Variants in SCMH1 observed in about 807,000 individuals in gnomAD.
SCMH1 encodes the protein polycomb protein SCMH1.
Under a neutral mutation model 70.8 loss-of-function variants are expected in SCMH1, and 37 were observed. The observed-to-expected ratio is 0.52, with a 90% CI of 0.40 to 0.69. The LOEUF (loss-of-function observed/expected upper bound fraction) is 0.69, where lower values mean the gene tolerates loss of function less well. Ranked by LOEUF, SCMH1 falls within the 30% of genes least tolerant of loss-of-function variation. The pLI, the probability that SCMH1 is intolerant of heterozygous loss-of-function variation, is 0.00. For missense variants in SCMH1, 607 were observed against 827.3 expected (o/e 0.73, Z 3.27); for synonymous variants, 292 against 307.4 (o/e 0.95, Z 0.52).
At chr1:41,198,818 A>C (rs1653632178) in intron 1 of SCMH1, among the ~76,000 whole-genome samples, 1 of 152,216 alleles carries the variant, frequency 6.6e-6, no homozygotes, top group South Asian at 2.1e-4. Flanking sequence ...TACACAAATC[A>C]GGGAAATCTT....
intron 10 of SCMH1, among the ~76,000 whole-genome samples, chr1:41,067,686 T>C (rs141791942): frequency 1.3e-5 from 2 of 152,242 alleles, no homozygotes; most frequent in African/African-American, 2.4e-5. Flanking sequence ...AGAGGGTTTT[T>C]AGGGCAGTGA....
chr1:41,159,848 C>A, intron 4 of SCMH1: 2 of 1,336,390 alleles, frequency 1.5e-6, no homozygotes, highest in South Asian at 2.3e-5. Flanking sequence ...GAATGAAAAT[C>A]ATAATAATCC....
At chr1:41,116,178 T>C (rs1028326083) in intron 7 of SCMH1, among the ~76,000 whole-genome samples, 1 of 152,224 alleles carries the variant, frequency 6.6e-6, no homozygotes, top group Non-Finnish European at 1.5e-5. Context: ...TCATCTTTAT[T>C]TCTAGTCCCA....
chr1:41,059,859 C>T (rs1474397189), intron 10 of SCMH1, among the ~76,000 whole-genome samples: 1 of 152,154 alleles, frequency 6.6e-6, no homozygotes, highest in Non-Finnish European at 1.5e-5. Context: ...AGACAAGCCA[C>T]ACCCCTATTG....
intron 1 of SCMH1, among the ~76,000 whole-genome samples, chr1:41,222,957 T>C (rs1231851387): frequency 6.6e-6 from 1 of 152,214 alleles, no homozygotes; most frequent in African/African-American, 2.4e-5. Context: ...ATTTATATTA[T>C]TGTACTATTT....
chr1:41,142,216 C>T (rs1162555927), intron 6 of SCMH1, among the ~76,000 whole-genome samples: 1 of 151,952 alleles, frequency 6.6e-6, no homozygotes, highest in African/African-American at 2.4e-5. Context: ...GCACAGCTTC[C>T]TGAGAGGAAG....
rs551357799 is a variant in SCMH1, at chr1:41,154,405, T to C, written c.107-2721A>G. Among the ~76,000 whole-genome samples, 54 of 152,342 alleles carry C rather than the reference T, an allele frequency of 3.5e-4. 2 individuals are homozygous for C. The South Asian group carries it at 0.011, about 30-fold the overall frequency. On this transcript the variant is annotated intron_variant, in intron 4 of 14. Transcript: ENST00000337495. ...TAACTATCTTGGGTAAATTACTTAA[T>C]CCTTCCAAGCCTAAGTTTACTCATG...
chr1:41,236,255 T>C (rs1662355031), intron 1 of SCMH1, among the ~76,000 whole-genome samples: 1 of 152,072 alleles, frequency 6.6e-6, no homozygotes, highest in South Asian at 2.1e-4. Context: ...TAGTGGAGAA[T>C]AAAAAAATAC....
chr1:41,070,704 C>T (rs767475554), exon 10 of SCMH1: 1 of 1,614,062 alleles, frequency 6.2e-7, no homozygotes. Flanking sequence ...GTGGGTTCAG[C>T]AAAGTCCGAG....
chr1:41,199,895 G>C (rs1012397891), intron 1 of SCMH1, among the ~76,000 whole-genome samples: 3 of 152,106 alleles, frequency 2.0e-5, no homozygotes, highest in Non-Finnish European at 2.9e-5. Context: ...ATCAAAGAAA[G>C]ATTGATTTCA....
chr1:41,135,047 TTGA>T (rs1265043253), intron 6 of SCMH1, among the ~76,000 whole-genome samples: 1 of 152,218 alleles, frequency 6.6e-6, no homozygotes, highest in Non-Finnish European at 1.5e-5. Flanking sequence ...CTATTATGTC[TTGA>T]TGAATTGTTG....
intron 1 of SCMH1, among the ~76,000 whole-genome samples, chr1:41,230,903 T>A (rs1314335634): frequency 6.6e-6 from 1 of 152,180 alleles, no homozygotes; most frequent in Non-Finnish European, 1.5e-5. Context: ...TTCAACAAGG[T>A]TTGGGACTTG....
At chr1:41,239,625 G>A (rs1484938594) in intron 1 of SCMH1, among the ~76,000 whole-genome samples, 2 of 152,126 alleles carry the variant, frequency 1.3e-5, no homozygotes, top group African/African-American at 2.4e-5. Context: ...GTACAGTGAA[G>A]GTTAGAACAT....
At chr1:41,032,880 G>A (rs1049382711) in intron 13 of SCMH1, among the ~76,000 whole-genome samples, 9 of 151,950 alleles carry the variant, frequency 5.9e-5, no homozygotes, top group African/African-American at 2.2e-4. Flanking sequence ...TCGGGAGGCT[G>A]AGGCAGGAGA....
chr1:41,165,666 G>A (rs1313367500), intron 2 of SCMH1, among the ~76,000 whole-genome samples: 1 of 152,012 alleles, frequency 6.6e-6, no homozygotes, highest in African/African-American at 2.4e-5. Flanking sequence ...TAATATATCT[G>A]TGGCCCATTT....
chr1:41,081,632 CA>C (rs1660052306), intron 8 of SCMH1, among the ~76,000 whole-genome samples: 1 of 152,046 alleles, frequency 6.6e-6, no homozygotes, highest in African/African-American at 2.4e-5. Context: ...AGCCTTGCAA[CA>C]TAGCATGACC....
intron 1 of SCMH1, among the ~76,000 whole-genome samples, chr1:41,219,963 C>A (rs10889895): frequency 0.078 from 11,874 of 151,678 alleles, 595 homozygotes; most frequent in South Asian, 0.13. Context: ...ATACAAGATA[C>A]AAGTCACTTG....
intron 8 of SCMH1, among the ~76,000 whole-genome samples, chr1:41,112,706 T>G (rs1381731538): frequency 1.3e-5 from 2 of 152,230 alleles, no homozygotes; most frequent in Non-Finnish European, 2.9e-5. Flanking sequence ...TAATCTCATT[T>G]ATTCCTCACA....
chr1:41,110,488 T>C (rs1467478581), intron 8 of SCMH1, among the ~76,000 whole-genome samples: 1 of 152,236 alleles, frequency 6.6e-6, no homozygotes, highest in Non-Finnish European at 1.5e-5. Context: ...ACGAATCTAC[T>C]TCTGTCTATG....
Sources: allele counts gnomAD v4.1 joint callset (sites outside exome capture counted in the v4.1 genomes callset), GRCh38; gene constraint gnomAD v4.1.1; transcripts MANE v1.5; gene names NCBI Gene and HGNC (gene_info 2026-07-23, HGNC 2026-07-21).